Variants in SLC44A5 observed in about 807,000 individuals in gnomAD.
SLC44A5 encodes solute carrier family 44 member 5.
Under a neutral mutation model 101.8 loss-of-function variants are expected in SLC44A5, and 57 were observed. That is an observed-to-expected ratio of 0.56 (90% confidence interval 0.45 to 0.70). SLC44A5 has a LOEUF of 0.70. Ranked by LOEUF, SLC44A5 falls within the 30% of genes least tolerant of loss-of-function variation. The pLI is 0.00. For missense variants in SLC44A5, 737 were observed against 853.1 expected (o/e 0.86, Z 1.70); for synonymous variants, 281 against 290.9 (o/e 0.97, Z 0.35).
At chr1:75,392,501 T>C (rs1425694415) in intron 3 of SLC44A5, among the ~76,000 whole-genome samples, 1 of 149,322 alleles carries the variant, frequency 6.7e-6, no homozygotes, top group East Asian at 2.1e-4. Flanking sequence ...AGTTAAAAAA[T>C]AACAGATGTT....
intron 4 of SLC44A5, among the ~76,000 whole-genome samples, chr1:75,334,300 C>T (rs1362043647): frequency 6.6e-6 from 1 of 152,094 alleles, no homozygotes; most frequent in South Asian, 2.1e-4. Flanking sequence ...CATAAATAAA[C>T]TATCATCTTG....
At chr1:75,361,847 A>G (rs1659508771) in intron 3 of SLC44A5, among the ~76,000 whole-genome samples, 3 of 152,048 alleles carry the variant, frequency 2.0e-5, no homozygotes. Context: ...TATCAGGTTA[A>G]TGCTGGCCTT....
At chr1:75,501,689 T>G (rs1417524219) in intron 2 of SLC44A5, among the ~76,000 whole-genome samples, 1 of 152,160 alleles carries the variant, frequency 6.6e-6, no homozygotes, top group Non-Finnish European at 1.5e-5. Flanking sequence ...TCCGGTAAAC[T>G]GCCATATCAC....
intron 4 of SLC44A5, among the ~76,000 whole-genome samples, chr1:75,313,279 C>T (rs563932498): frequency 1.3e-4 from 20 of 152,244 alleles, no homozygotes; most frequent in African/African-American, 2.2e-4. Context: ...TTCTCTCTAA[C>T]GGTTTTTAAC....
chr1:75,363,825 A>T (rs985669453), intron 3 of SLC44A5, among the ~76,000 whole-genome samples: 6 of 152,128 alleles, frequency 3.9e-5, no homozygotes, highest in African/African-American at 7.2e-5. Context: ...AGCTTAAAGA[A>T]CTTTCCCTAG....
At chr1:75,656,400 A>C in the SLC44A5 span, among the ~76,000 whole-genome samples, 2 of 152,234 alleles carry the variant, frequency 1.3e-5, no homozygotes, top group Non-Finnish European at 2.9e-5. Context: ...AAGCACTCAG[A>C]TATTTAGTAT....
chr1:75,425,122 A>G lies in SLC44A5; in HGVS notation c.14-28501T>C, dbSNP rs558255891. Among the ~76,000 whole-genome samples, 46 of 152,338 alleles carry G rather than the reference A, an allele frequency of 3.0e-4. No individual in the cohort carries two copies. In the South Asian group the frequency reaches 9.3e-3, roughly 31 times the overall value. ...AAGCACAAGTTGTTCAAAAGTTAAC[A>G]CTAAACAGGAAATTTAATGTACTAA... On this transcript the variant is annotated intron_variant, in intron 2 of 23. Transcript: ENST00000370859.
Position 75,215,978 on chromosome 1 carries a change from A to G in SLC44A5, c.1625-121T>C, listed in dbSNP as rs988059006. 6.6e-6 allele frequency: 4 copies of G among 608,384 alleles called. No homozygotes were observed. The African/African-American group carries it at 7.7e-5, about 12-fold the overall frequency. 37.7% of individuals were successfully genotyped at this position (608,384 alleles called of 1,614,324 possible). On this transcript the variant is annotated intron_variant, in intron 18 of 23. Coordinates refer to ENST00000370859, the MANE Select transcript of SLC44A5 (RefSeq NM_001130058.2). Reference sequence around the variant, plus strand: ...TTTTTTATTGTTATAAAATATACATAATATAAAATTTGCCATTTTAACCAT... The same window carrying G: ...TTTTTTATTGTTATAAAATATACATGATATAAAATTTGCCATTTTAACCAT...
the SLC44A5 span, among the ~76,000 whole-genome samples, chr1:75,671,193 T>A: frequency 1.3e-5 from 2 of 152,222 alleles, no homozygotes; most frequent in East Asian, 3.9e-4. Context: ...GGCCCTGAGG[T>A]GATCTTAGGG....
the SLC44A5 span, among the ~76,000 whole-genome samples, chr1:75,661,931 A>G: frequency 6.6e-6 from 1 of 152,124 alleles, no homozygotes; most frequent in African/African-American, 2.4e-5. Context: ...TATGGAAAGC[A>G]GTATGGAGGT....
intron 1 of SLC44A5, among the ~76,000 whole-genome samples, chr1:75,589,058 G>T (rs1356264205): frequency 1.3e-5 from 2 of 152,110 alleles, no homozygotes; most frequent in Non-Finnish European, 2.9e-5. Context: ...AGAAGTCAAC[G>T]TTAAGTTTGG....
chr1:75,276,097 G>A (rs958893400), intron 5 of SLC44A5, among the ~76,000 whole-genome samples: 1 of 152,014 alleles, frequency 6.6e-6, no homozygotes, highest in Non-Finnish European at 1.5e-5. Flanking sequence ...CTCAATCTAA[G>A]CCTGTCTTTT....
At chr1:75,571,562 A>T (rs1426548244) in intron 1 of SLC44A5, among the ~76,000 whole-genome samples, 1 of 152,320 alleles carries the variant, frequency 6.6e-6, no homozygotes, top group East Asian at 1.9e-4. Context: ...ATTCAAAAAA[A>T]AACATGAGAT....
At chr1:75,677,708 A>G in the SLC44A5 span, 3 of 431,476 alleles carry the variant, frequency 7.0e-6, no homozygotes, top group South Asian at 1.6e-5. Context: ...AAAAAACAAG[A>G]CCCAGTGCAA....
the SLC44A5 span, among the ~76,000 whole-genome samples, chr1:75,680,294 A>G: frequency 6.6e-6 from 1 of 151,676 alleles, no homozygotes; most frequent in Non-Finnish European, 1.5e-5. Flanking sequence ...TCCACCCCAA[A>G]TCAACAGAAT....
At chr1:75,369,253 A>G (rs1660068578) in intron 3 of SLC44A5, among the ~76,000 whole-genome samples, 1 of 151,996 alleles carries the variant, frequency 6.6e-6, no homozygotes, top group South Asian at 2.1e-4. Flanking sequence ...TGTGGCCTCA[A>G]GCTATCCTCC....
At chr1:75,276,442 C>A (rs929974991) in intron 5 of SLC44A5, among the ~76,000 whole-genome samples, 5 of 152,110 alleles carry the variant, frequency 3.3e-5, no homozygotes, top group Non-Finnish European at 5.9e-5. Context: ...TTCTAAAATG[C>A]CTTATTCTTT....
the SLC44A5 span, among the ~76,000 whole-genome samples, chr1:75,658,056 G>A: frequency 6.6e-6 from 1 of 151,888 alleles, no homozygotes; most frequent in Non-Finnish European, 1.5e-5. Flanking sequence ...ATCACCACAT[G>A]CTAGGCCACA....
At chr1:75,588,430 A>AT (rs2102097120) in intron 1 of SLC44A5, among the ~76,000 whole-genome samples, 1 of 152,108 alleles carries the variant, frequency 6.6e-6, no homozygotes, top group South Asian at 2.1e-4. Context: ...TATAGTCTCC[A>AT]TTTTTTTCAG....
Sources: gnomAD v4.1 joint callset for allele counts (sites outside exome capture counted in the v4.1 genomes callset) on GRCh38, gnomAD v4.1.1 for gene constraint, MANE v1.5 for transcripts, NCBI Gene and HGNC (gene_info 2026-07-23, HGNC 2026-07-21) for gene names.